The following MRPS26 variants were observed in gnomAD, a reference collection of about 807,000 sequenced individuals.
MRPS26 encodes the protein small ribosomal subunit protein mS26.
MRPS26 carries 26 observed loss-of-function variants against 22.7 expected under a neutral mutation model. That is an observed-to-expected ratio of 1.15 (90% CI 0.84 to 1.59). MRPS26 has a LOEUF of 1.59. Ranked by LOEUF, MRPS26 falls within the 40% of genes most tolerant of loss-of-function variation. The pLI, the probability that MRPS26 is intolerant of heterozygous loss-of-function variation, is 0.00. For synonymous variants in MRPS26, 120 were observed against 124.0 expected, an observed-to-expected ratio of 0.97 and a Z score of 0.22; for missense variants, 291 against 287.7, an observed-to-expected ratio of 1.01 and a Z score of -0.08.
intron 3 of MRPS26, among the ~76,000 whole-genome samples, chr20:3,047,434 G>A (rs2065994285): frequency 6.6e-6 from 1 of 152,156 alleles, no homozygotes; most frequent in South Asian, 2.1e-4. Flanking sequence ...GGAAGGATGA[G>A]TTAGAGTGAT....
rs1600308774 is a variant in MRPS26 at position 3,046,297 on chromosome 20, A to G, written c.212+17A>G. 1 of 1,602,932 alleles carries G rather than the reference A, an allele frequency of 6.2e-7. No individual in the cohort carries two copies. On this transcript the variant is annotated intron_variant, in intron 1 of 3. Transcript: ENST00000380325. Reference sequence around the variant, plus strand: ...CGCCCTCAGGTGTGCGGCCGGGGGGAGGTGGCCGCCCGCGCGCGCTGGTGA... The same window carrying G: ...CGCCCTCAGGTGTGCGGCCGGGGGGGGGTGGCCGCCCGCGCGCGCTGGTGA...
chr20:3,047,738 G>A lies in MRPS26; in HGVS notation c.487G>A (p.Glu163Lys). The A allele has an allele frequency of 6.2e-7, 1 of 1,613,700 alleles. No homozygotes were observed. The highest frequency in any genetic ancestry group is 8.5e-7 in the Non-Finnish European group (1 of 1,179,848). Residue 163 changes from glutamate (E) to lysine (K), a missense_variant, in exon 4 of 4, where the codon GAG (glutamate) becomes AAG (lysine). Glu to Lys is a moderately conservative substitution (Grantham distance 56). Transcript: ENST00000380325. The stretch of plus-strand genomic sequence containing the variant: ...CTGGGCTTTTCTCTCCCGATAGGAA[G>A]AGGTGAAAAACTTCATCACCCGAGA... ...KEREVLQLQE[E>K]VKNFITRENL...
rs762334650 is a variant in MRPS26 at position 3,046,075 on chromosome 20, C to T, written c.7C>T (p.Arg3Cys). ...GCAGTGAGGAGACTCGGCCATGCTA[C>T]GCGCGCTGAGCCGCCTGGGCGCGGG... MLRALSRLGAGTP... is the reference protein window; with the variant it reads MLCALSRLGAGTP... Residue 3 changes from arginine (R) to cysteine (C), a missense_variant, in exon 1 of 4, where the codon CGC (arginine) becomes TGC (cysteine). Coordinates refer to ENST00000380325, the MANE Select transcript of MRPS26 (RefSeq NM_030811.4). 11 of 1,512,638 alleles carry T rather than the reference C, an allele frequency of 7.3e-6. No homozygotes were observed. Among genetic ancestry groups the T allele is most frequent in the African/African-American group, 1.4e-5 (1 of 70,778 alleles). The allele number at this position is 1,512,638 out of a possible 1,614,324, so 93.7% of individuals were successfully genotyped here.
chr20:3,047,865 C>A lies in MRPS26; in HGVS notation c.614C>A (p.Ser205Tyr). The A allele has an allele frequency of 6.2e-7, 1 of 1,603,692 alleles. No homozygotes were observed. The highest frequency in any genetic ancestry group is 1.3e-5 in the African/African-American group (1 of 74,178). ...GTGGTCAGGCCACAACGCAGGGACT[C>A]CTAGGGGCCCAGTAAGGACAGTGCC... ...GLVVRPQRRD[S>Y] is the part of the protein sequence containing the mutation. Residue 205 changes from serine to tyrosine, a missense_variant, in exon 4 of 4, where the codon TCC (serine) becomes TAC (tyrosine). Ser to Tyr is a moderately radical substitution (Grantham distance 144). Transcript: ENST00000380325.
intron 3 of MRPS26, among the ~76,000 whole-genome samples, chr20:3,047,406 A>C (rs2065993995): frequency 2.0e-5 from 3 of 152,134 alleles, no homozygotes; most frequent in Non-Finnish European, 4.4e-5. Context: ...AAATAAATAA[A>C]TAAATAAAGT....
intron 2 of MRPS26, 43 bp downstream of exon 2, chr20:3,046,562 G>A: frequency 6.6e-7 from 1 of 1,518,300 alleles, no homozygotes. Context: ...CGGCCTGGCC[G>A]GCCTGGGAGA....
chr20:3,046,769 GCCGGGGACGC>G, intron 3 of MRPS26, 32 bp downstream of exon 3: 1 of 1,528,630 alleles, frequency 6.5e-7, no homozygotes, highest in Non-Finnish European at 8.8e-7. Flanking sequence ...TGGGACTCCA[GCCGGGGACGC>G]GGCTTGCGGG....
intron 1 of MRPS26, 42 bp downstream of exon 1, chr20:3,046,322 A>G: frequency 6.2e-7 from 1 of 1,605,360 alleles, no homozygotes; most frequent in Non-Finnish European, 8.5e-7. Flanking sequence ...CGCGCTGGTG[A>G]CGGTGGGAGT....
rs746263845 is a variant in MRPS26 at position 3,046,124 on chromosome 20, C to G, written c.56C>G (p.Pro19Arg). The change falls in exon 1 of 4, where the codon CCT becomes CGT. Residue 19 changes from proline (P) to arginine (R), a missense_variant. Coordinates refer to ENST00000380325, the MANE Select transcript of MRPS26 (RefSeq NM_030811.4). ...GGGACCCCGTGCAGGCCCCGGGCCCCTCTGGTGCTGCCAGCGCGCGGCCGC... is the reference window on the plus strand; with the variant it reads ...GGGACCCCGTGCAGGCCCCGGGCCCGTCTGGTGCTGCCAGCGCGCGGCCGC... ...GAGTPCRPRA[P>R]LVLPARGRKT... The G allele has an allele frequency of 2.5e-6, 4 of 1,585,000 alleles. No individual in the cohort carries two copies. The highest frequency in any genetic ancestry group is 2.6e-6 in the Non-Finnish European group (3 of 1,173,754).
At chr20:3,047,684 G>T in intron 3 of MRPS26, 51 bp from the exon 4 acceptor site, 1 of 1,606,742 alleles carries the variant, frequency 6.2e-7, no homozygotes, top group East Asian at 2.2e-5. Context: ...GGGTGGGCTG[G>T]CTGGCATGTG....
At position 3,046,421 on chromosome 20, in the gene MRPS26, C is replaced by T. The variant is rs780064009; in HGVS notation, c.261C>T (p.Ala87=). ...AGAGGAAGGTGCACGAGGCCCGAGC[C>T]GGGGTTCTGGCGGAGCGCAAGGCCC... ...EVQRKVHEAR[A]GVLAERKALK... Residue 87 remains alanine, a synonymous_variant, in exon 2 of 4, where the codon GCC becomes GCT. Coordinates refer to ENST00000380325, the MANE Select transcript of MRPS26 (RefSeq NM_030811.4). 5.0e-6 allele frequency: 8 copies of T among 1,606,304 alleles called. No individual in the cohort carries two copies. The highest frequency in any genetic ancestry group is 2.2e-5 in the South Asian group (2 of 89,914).
Position 3,046,677 on chromosome 20 carries a change from C to G in MRPS26, c.423C>G (p.Arg141=). The G allele has an allele frequency of 1.9e-6, 3 of 1,545,776 alleles. No homozygotes were observed. The highest frequency in any genetic ancestry group is 2.6e-6 in the Non-Finnish European group (3 of 1,145,882). The change falls in exon 3 of 4, where the codon CGC becomes CGG. Residue 141 remains arginine (R), a synonymous_variant. Coordinates refer to ENST00000380325, the MANE Select transcript of MRPS26 (RefSeq NM_030811.4). ...QEQRQALEQA[R]KAEEVQAWAQ... ...AGCGGCAGGCGTTGGAGCAGGCCCG[C>G]AAGGCCGAAGAGGTGCAGGCCTGGG... is the stretch of plus-strand genomic sequence containing the variant.
rs1031632533 is a variant in MRPS26, at chr20:3,046,065, G to C, written c.-4G>C. The C allele has an allele frequency of 2.0e-6, 3 of 1,491,220 alleles. No homozygotes were observed. Among genetic ancestry groups the C allele is most frequent in the African/African-American group, 1.4e-5 (1 of 69,328 alleles). 92.4% of individuals were successfully genotyped at this position (1,491,220 alleles called of 1,614,324 possible). On this transcript the variant is annotated 5_prime_UTR_variant, in exon 1 of 4. Transcript: ENST00000380325. ...CACCGCGGCCGCAGTGAGGAGACTC[G>C]GCCATGCTACGCGCGCTGAGCCGCC...
chr20:3,047,913 A>G lies in MRPS26; in HGVS notation c.*44A>G. The stretch of plus-strand genomic sequence containing the variant: ...GCCCGCCAGGGACCATGTATGTATC[A>G]TGGCGGAAGAGTTGGCCCTGACCTG... On this transcript the variant is annotated 3_prime_UTR_variant, in exon 4 of 4. Coordinates refer to ENST00000380325, the MANE Select transcript of MRPS26 (RefSeq NM_030811.4). The G allele has an allele frequency of 2.6e-6, 4 of 1,556,250 alleles. No homozygotes were observed. The highest frequency in any genetic ancestry group is 1.2e-5 in the South Asian group (1 of 82,812).
intron 3 of MRPS26, among the ~76,000 whole-genome samples, 183 bp from the exon 4 acceptor site, chr20:3,047,552 A>G (rs181595090): frequency 6.6e-6 from 1 of 152,276 alleles, no homozygotes; most frequent in African/African-American, 2.4e-5. Flanking sequence ...AACGTGGAAA[A>G]GCAACCTGAT....
At position 3,046,357 on chromosome 20, in the gene MRPS26, G is replaced by A. The variant is rs948897396; in HGVS notation, c.213-16G>A. The A allele has an allele frequency of 6.2e-7, 1 of 1,608,264 alleles. No homozygotes were observed. Reference sequence around the variant, plus strand: ...TGGGCGGAGAGGGTGCTGATTCCTGGCGCGTCTGCACCCAGGATGGAGTTC... The same window carrying A: ...TGGGCGGAGAGGGTGCTGATTCCTGACGCGTCTGCACCCAGGATGGAGTTC... On this transcript the variant is annotated splice_polypyrimidine_tract_variant and intron_variant, in intron 1 of 3. Transcript: ENST00000380325.
rs780163914 is a variant in MRPS26, at chr20:3,047,845, C to T, written c.594C>T (p.Val198=). ...NWAITREGLV[V]RPQRRDS The stretch of plus-strand genomic sequence containing the variant: ...CCATCACCAGAGAGGGGCTGGTGGT[C>T]AGGCCACAACGCAGGGACTCCTAGG... Residue 198 remains valine (V), a synonymous_variant, in exon 4 of 4, where the codon GTC becomes GTT. Transcript: ENST00000380325. 6.2e-7 allele frequency: 1 copy of T among 1,611,478 alleles called. No individual in the cohort carries two copies. The highest frequency in any genetic ancestry group is 8.5e-7 in the Non-Finnish European group (1 of 1,179,114).
At position 3,046,699 on chromosome 20, in the gene MRPS26, T is replaced by C; in HGVS notation, c.445T>C (p.Trp149Arg). The change falls in exon 3 of 4, where the codon TGG (tryptophan) becomes CGG (arginine). Residue 149 changes from tryptophan (W) to arginine (R), a missense_variant. Transcript: ENST00000380325. Reference sequence around the variant, plus strand: ...CCGCAAGGCCGAAGAGGTGCAGGCCTGGGCGCAGCGCAAGGAGCGGGAAGT... The same window carrying C: ...CCGCAAGGCCGAAGAGGTGCAGGCCCGGGCGCAGCGCAAGGAGCGGGAAGT... ...QARKAEEVQA[W>R]AQRKEREVLQ... 2 of 1,545,248 alleles carry C rather than the reference T, an allele frequency of 1.3e-6. No individual in the cohort carries two copies. Among genetic ancestry groups the C allele is most frequent in the Non-Finnish European group, 1.7e-6 (2 of 1,146,414 alleles).
At position 3,046,595 on chromosome 20, in the gene MRPS26, G is replaced by A; in HGVS notation, c.360-19G>A. ...AGAAGCCCGGGCCCCGCTCAGCCTC[G>A]GCCCTTTGACCCTCACAGGATAGCG... is the stretch of plus-strand genomic sequence containing the variant. On this transcript the variant is annotated intron_variant, in intron 2 of 3. Transcript: ENST00000380325. 1 of 1,537,228 alleles carries A rather than the reference G, an allele frequency of 6.5e-7. No homozygotes were observed. Among genetic ancestry groups the A allele is most frequent in the Non-Finnish European group, 8.8e-7 (1 of 1,140,582 alleles).
Sources: gnomAD v4.1 joint callset for allele counts (sites outside exome capture counted in the v4.1 genomes callset) on GRCh38, gnomAD v4.1.1 for gene constraint, MANE v1.5 for transcripts, NCBI Gene and HGNC (gene_info 2026-07-23, HGNC 2026-07-21) for gene names.